The following ZNF71 variants were observed in gnomAD, a reference collection of about 807,000 sequenced individuals.
ZNF71 encodes endothelial zinc finger protein induced by tumor necrosis factor alpha.
In ZNF71, 3 loss-of-function variants were observed where a neutral mutation model predicts 6.7. The observed-to-expected ratio is 0.45, with a 90% CI of 0.20 to 1.16. ZNF71 has a LOEUF of 1.16. ZNF71 is among the 50% of genes most tolerant of loss of function. ZNF71 has a pLI of 0.25. For missense variants in ZNF71, 688 were observed against 728.6 expected (o/e 0.94, Z 0.64); for synonymous variants, 343 against 311.1 (o/e 1.10, Z -1.08).
rs1211412825 is a variant in ZNF71 at position 56,623,397 on chromosome 19, A to G, written c.*640A>G. On this transcript the variant is annotated 3_prime_UTR_variant, in exon 4 of 4. Coordinates refer to ENST00000599599, the MANE Select transcript of ZNF71 (RefSeq NM_001370215.1). ...CCAAAGTTTCTTAGAGTGGTCTGTTACGTTTTTTAAAAATAAAACTTTTAA... is the reference window on the plus strand; with the variant it reads ...CCAAAGTTTCTTAGAGTGGTCTGTTGCGTTTTTTAAAAATAAAACTTTTAA... The G allele has an allele frequency of 6.0e-6, 1 of 167,114 alleles. No individual in the cohort carries two copies. The highest frequency in any genetic ancestry group is 6.5e-5 in the Admixed American group (1 of 15,290). The allele number at this position is 167,114 out of a possible 1,614,324, so 10.4% of individuals were successfully genotyped here.
chr19:56,604,141 AC>A (rs1202380530), intron 2 of ZNF71, among the ~76,000 whole-genome samples: 1 of 152,204 alleles, frequency 6.6e-6, no homozygotes, highest in East Asian at 1.9e-4. Context: ...TTGTTGTATT[AC>A]AATTTTGTAA....
intron 1 of ZNF71, among the ~76,000 whole-genome samples, chr19:56,599,691 G>GTT (rs546787830): frequency 7.0e-6 from 1 of 143,688 alleles, no homozygotes; most frequent in Non-Finnish European, 1.5e-5. Context: ...CATTTTTAGT[G>GTT]TTTTGTTTTT....
At chr19:56,608,432 T>C (rs1698708505) in intron 2 of ZNF71, among the ~76,000 whole-genome samples, 1 of 151,542 alleles carries the variant, frequency 6.6e-6, no homozygotes, top group South Asian at 2.1e-4. Flanking sequence ...TTCACCCTTG[T>C]AGCATGTGTC....
intron 1 of ZNF71, among the ~76,000 whole-genome samples, chr19:56,596,082 G>C (rs1224374537): frequency 2.0e-5 from 3 of 152,018 alleles, no homozygotes; most frequent in Non-Finnish European, 4.4e-5. Flanking sequence ...TGATATCTCT[G>C]AGTGACTGCC....
chr19:56,604,269 A>G (rs1319487871), intron 2 of ZNF71, among the ~76,000 whole-genome samples: 1 of 152,156 alleles, frequency 6.6e-6, no homozygotes, highest in Admixed American at 6.5e-5. Context: ...CAAGTTATGT[A>G]TATTATTAAA....
intron 1 of ZNF71, among the ~76,000 whole-genome samples, chr19:56,597,356 GA>G (rs1452925172): frequency 4.6e-5 from 7 of 152,208 alleles, no homozygotes; most frequent in African/African-American, 1.7e-4. Flanking sequence ...ATGGTAATAT[GA>G]AGTTTCTACA....
Position 56,621,797 on chromosome 19 carries a change from C to T in ZNF71, c.690C>T (p.Arg230=), listed in dbSNP as rs1377275148. Residue 230 remains arginine (R), a synonymous_variant, in exon 4 of 4, where the codon CGC becomes CGT. Coordinates refer to ENST00000599599, the MANE Select transcript of ZNF71 (RefSeq NM_001370215.1). ...CCTGTGGGAAGCACTTCATCGAGCG[C>T]TCGTCCCTCACCATCCACCAGCGGG... ...CDTCGKHFIE[R]SSLTIHQRVH... 1.2e-6 allele frequency: 2 copies of T among 1,614,024 alleles called. No homozygotes were observed. The highest frequency in any genetic ancestry group is 2.2e-5 in the East Asian group (1 of 44,880).
intron 2 of ZNF71, among the ~76,000 whole-genome samples, chr19:56,609,554 T>C (rs2010254577): frequency 6.6e-6 from 1 of 152,094 alleles, no homozygotes; most frequent in Admixed American, 6.5e-5. Flanking sequence ...GGATTTTGCC[T>C]GTCCCGGACA....
intron 2 of ZNF71, among the ~76,000 whole-genome samples, chr19:56,612,667 T>C (rs2044760724): frequency 6.6e-6 from 1 of 152,092 alleles, no homozygotes; most frequent in Non-Finnish European, 1.5e-5. Context: ...AAACTACATA[T>C]TGGGTACAAT....
At position 56,621,342 on chromosome 19, in the gene ZNF71, G is replaced by A. The variant is rs773054661; in HGVS notation, c.235G>A (p.Gly79Arg). The A allele has an allele frequency of 1.2e-5, 19 of 1,549,420 alleles. No individual in the cohort carries two copies. The highest frequency in any genetic ancestry group is 4.0e-5 in the Admixed American group (2 of 50,014). Residue 79 changes from glycine to arginine, a missense_variant, in exon 4 of 4, where the codon GGG (glycine) becomes AGG (arginine). Gly to Arg is a moderately radical substitution (Grantham distance 125). Coordinates refer to ENST00000599599, the MANE Select transcript of ZNF71 (RefSeq NM_001370215.1). ...DISEDKLSVVGEATGGPTRNG... is the reference protein window; with the variant it reads ...DISEDKLSVVREATGGPTRNG... ...TTCGGAAGACAAGCTCTCCGTTGTT[G>A]GGGAGGCCACGGGGGGACCCACGAG...
At position 56,622,604 on chromosome 19, in the gene ZNF71, G is replaced by A. The variant is rs546603924; in HGVS notation, c.1497G>A (p.Arg499=). The A allele has an allele frequency of 1.5e-5, 24 of 1,613,432 alleles. No individual in the cohort carries two copies. Among genetic ancestry groups the A allele is most frequent in the Non-Finnish European group, 2.0e-5 (24 of 1,179,632 alleles). Residue 499 remains arginine (R), a synonymous_variant, in exon 4 of 4, where the codon AGG becomes AGA. Transcript: ENST00000599599. ...QRIHTGEKPY[R]CGQCGKSFIK... ...TCCACACCGGCGAGAAGCCGTACAG[G>A]TGCGGCCAGTGCGGGAAGTCCTTCA...
Position 56,623,398 on chromosome 19 carries a change from C to T in ZNF71, c.*641C>T, listed in dbSNP as rs1184594611. 5 of 166,952 alleles carry T rather than the reference C, an allele frequency of 3.0e-5. No homozygotes were observed. Among genetic ancestry groups the T allele is most frequent in the Non-Finnish European group, 4.4e-5 (3 of 68,124 alleles). 10.3% of individuals were successfully genotyped at this position (166,952 alleles called of 1,614,324 possible). A position where few individuals can be genotyped will look rare whatever the true frequency, so the allele number is the denominator to read the frequency against. ...CAAAGTTTCTTAGAGTGGTCTGTTA[C>T]GTTTTTTAAAAATAAAACTTTTAAT... is the stretch of plus-strand genomic sequence containing the variant. On this transcript the variant is annotated 3_prime_UTR_variant, in exon 4 of 4. Transcript: ENST00000599599.
rs142424882 is a variant in ZNF71 at position 56,598,221 on chromosome 19, G to A, written c.-53+2793G>A. Among the ~76,000 whole-genome samples the A allele has an allele frequency of 9.9e-5, 15 of 152,228 alleles. No homozygotes were observed. The highest frequency in any genetic ancestry group is 3.1e-4 in the African/African-American group (13 of 41,556). On this transcript the variant is annotated intron_variant, in intron 1 of 3. Transcript: ENST00000599599. The surrounding 1 kb of genome is among the most constrained non-coding windows in gnomAD (Gnocchi z 4.2). The stretch of plus-strand genomic sequence containing the variant: ...TAGAGGACTTCTCCAAGGAGGTGAC[G>A]TTGGAGCTGACCAGGAAGCAGGGGT...
Position 56,613,539 on chromosome 19 carries a change from TTGC to T in ZNF71, c.34-272_34-270del, listed in dbSNP as rs2044767412. Among the ~76,000 whole-genome samples, 2 of 152,326 alleles carry T rather than the reference TTGC, an allele frequency of 1.3e-5. No individual in the cohort carries two copies. Among genetic ancestry groups the T allele is most frequent in the South Asian group, 4.2e-4 (2 of 4,816 alleles). On this transcript the variant is annotated intron_variant, in intron 2 of 3. Transcript: ENST00000599599. The surrounding 1 kb of genome is among the most constrained non-coding windows in gnomAD (Gnocchi z 4.6). Reference sequence around the variant, plus strand: ...GTTGATTCACTGGGTTAGACTCACTTTGCCTTCAGTTCCTTTCCATCTGGTTCT... The same window carrying T: ...GTTGATTCACTGGGTTAGACTCACTTCTTCAGTTCCTTTCCATCTGGTTCT...
rs116040922 is a variant in ZNF71, at chr19:56,611,833, C to T, written c.34-1979C>T. On this transcript the variant is annotated intron_variant, in intron 2 of 3. Coordinates refer to ENST00000599599, the MANE Select transcript of ZNF71 (RefSeq NM_001370215.1). ...CAAAGTATCCACAGGACCACGCTCCCTCTGAAGGCTCAAGGGAAGGCTCTG... is the reference window on the plus strand; with the variant it reads ...CAAAGTATCCACAGGACCACGCTCCTTCTGAAGGCTCAAGGGAAGGCTCTG... Among the ~76,000 whole-genome samples the T allele has an allele frequency of 2.2e-3, 342 of 152,346 alleles. 1 individual carries two copies. Among genetic ancestry groups the T allele is most frequent in the African/African-American group, 8.0e-3 (333 of 41,580 alleles).
intron 2 of ZNF71, among the ~76,000 whole-genome samples, chr19:56,607,816 C>T (rs1053703338): frequency 6.6e-6 from 1 of 152,194 alleles, no homozygotes; most frequent in Non-Finnish European, 1.5e-5. Flanking sequence ...TTCTGAGGGT[C>T]AGGAATGGGG....
At chr19:56,597,737 T>TCTA (rs1166214525) in intron 1 of ZNF71, among the ~76,000 whole-genome samples, 1 of 152,220 alleles carries the variant, frequency 6.6e-6, no homozygotes, top group Non-Finnish European at 1.5e-5. Flanking sequence ...TTTTTTTGCC[T>TCTA]CTAGAAACAA....
chr19:56,600,938 A>T (rs937641445), intron 1 of ZNF71, among the ~76,000 whole-genome samples: 1 of 152,100 alleles, frequency 6.6e-6, no homozygotes, highest in South Asian at 2.1e-4. Context: ...TGGTAACCCC[A>T]TGAAGTCTGG....
At chr19:56,596,364 G>T (rs2044624297) in intron 1 of ZNF71, among the ~76,000 whole-genome samples, 1 of 152,090 alleles carries the variant, frequency 6.6e-6, no homozygotes, top group Non-Finnish European at 1.5e-5. Flanking sequence ...AAGACTATAT[G>T]CCTGGACAAG....
Sources: allele counts gnomAD v4.1 joint callset (sites outside exome capture counted in the v4.1 genomes callset), GRCh38; gene constraint gnomAD v4.1.1; non-coding constraint Gnocchi (gnomAD v3.1); transcripts MANE v1.5; gene names NCBI Gene and HGNC (gene_info 2026-07-23, HGNC 2026-07-21).